Variants in VWC2L observed in about 807,000 individuals in gnomAD.
VWC2L encodes von Willebrand factor C domain containing 2 like.
In VWC2L, 10 loss-of-function variants were observed where a neutral mutation model predicts 21.6. The observed-to-expected ratio is 0.46, with a 90% CI of 0.29 to 0.78. VWC2L has a LOEUF of 0.78. Among genes scored for constraint, VWC2L ranks in the 30% least tolerant of loss-of-function variants. The pLI is 0.10. For missense variants in VWC2L, 209 were observed against 277.1 expected (o/e 0.75, Z 1.74); for synonymous variants, 96 against 94.3 (o/e 1.02, Z -0.10).
rs1172193100 is a variant in VWC2L, at chr2:214,477,399, G to A, written c.520+40641G>A. 3.3e-5 allele frequency among the ~76,000 whole-genome samples: 5 copies of A among 152,208 alleles called. No homozygotes were observed. In the East Asian group the frequency reaches 9.6e-4, roughly 29 times the overall value. Reference sequence around the variant, plus strand: ...GGTTGTCCTTGGTTCAACTCAAATAGGACTTATATCTCTGGTACGAATCTG... The same window carrying A: ...GGTTGTCCTTGGTTCAACTCAAATAAGACTTATATCTCTGGTACGAATCTG... On this transcript the variant is annotated intron_variant, in intron 3 of 3. Transcript: ENST00000312504.
At chr2:214,518,465 AGTTGGCCTAAAGTTAGG>A (rs969230353) in intron 3 of VWC2L, among the ~76,000 whole-genome samples, 1 of 152,206 alleles carries the variant, frequency 6.6e-6, no homozygotes, top group African/African-American at 2.4e-5. Flanking sequence ...TTGGCTGAGA[AGTTGGCCTAAAGTTAGG>A]GTTCAATTGG....
chr2:214,447,653 T>C (rs1336529301), intron 3 of VWC2L, among the ~76,000 whole-genome samples: 1 of 152,122 alleles, frequency 6.6e-6, no homozygotes, highest in Non-Finnish European at 1.5e-5. Context: ...TAAATGTAAA[T>C]GCCTTCAAAA....
chr2:214,416,411 T>G (rs1455609348), intron 2 of VWC2L, among the ~76,000 whole-genome samples: 1 of 152,104 alleles, frequency 6.6e-6, no homozygotes, highest in Non-Finnish European at 1.5e-5. Flanking sequence ...TCCATTAATA[T>G]GCACAGCTTT....
intron 2 of VWC2L, among the ~76,000 whole-genome samples, chr2:214,421,555 T>C (rs1702440160): frequency 6.6e-6 from 1 of 152,120 alleles, no homozygotes; most frequent in South Asian, 2.1e-4. Context: ...TTCTGTGCCG[T>C]GTGCACATTG....
chr2:214,510,492 C>T (rs1480693483), intron 3 of VWC2L, among the ~76,000 whole-genome samples: 2 of 152,132 alleles, frequency 1.3e-5, no homozygotes, highest in Non-Finnish European at 2.9e-5. Context: ...CGACAAGGTA[C>T]TTTGTGGTTC....
rs2126191570 is a variant in VWC2L, at chr2:214,468,286, T to C, written c.520+31528T>C. 1.3e-5 allele frequency among the ~76,000 whole-genome samples: 2 copies of C among 152,326 alleles called. 1 individual carries two copies. Among genetic ancestry groups the C allele is most frequent in the South Asian group, 4.1e-4 (2 of 4,828 alleles). On this transcript the variant is annotated intron_variant, in intron 3 of 3. Coordinates refer to ENST00000312504, the MANE Select transcript of VWC2L (RefSeq NM_001080500.4). ...CCCGCCTTGGCCTCAGTTCTGGGAT[T>C]ACAGGCGTGAGCCATTGCACCTGGC...
chr2:214,514,497 G>C (rs1689109533), intron 3 of VWC2L, among the ~76,000 whole-genome samples: 1 of 152,172 alleles, frequency 6.6e-6, no homozygotes, highest in Non-Finnish European at 1.5e-5. Flanking sequence ...TAATGGAATA[G>C]TAGTAAACTT....
chr2:214,464,758 C>A (rs747528445), intron 3 of VWC2L, among the ~76,000 whole-genome samples: 1 of 152,142 alleles, frequency 6.6e-6, no homozygotes, highest in Non-Finnish European at 1.5e-5. Context: ...GAGCAGGTCC[C>A]AGAATGTCCA....
At chr2:214,422,140 G>A (rs573517158) in intron 2 of VWC2L, among the ~76,000 whole-genome samples, 52 of 151,250 alleles carry the variant, frequency 3.4e-4, no homozygotes, top group African/African-American at 1.2e-3. Context: ...CGCCCGTCTC[G>A]GCCTCCCAAA....
intron 3 of VWC2L, among the ~76,000 whole-genome samples, chr2:214,521,920 T>C (rs1689247064): frequency 6.6e-6 from 1 of 152,248 alleles, no homozygotes; most frequent in African/African-American, 2.4e-5. Flanking sequence ...AATGAGAGGA[T>C]TGTACTTTCT....
At chr2:214,560,195 C>A (rs1021435547) in intron 3 of VWC2L, among the ~76,000 whole-genome samples, 2 of 152,134 alleles carry the variant, frequency 1.3e-5, no homozygotes, top group East Asian at 1.9e-4. Flanking sequence ...AATTTACCAA[C>A]GGCATGTGTA....
chr2:214,423,181 A>G (rs573900494), intron 2 of VWC2L, among the ~76,000 whole-genome samples: 73 of 152,216 alleles, frequency 4.8e-4, no homozygotes, highest in South Asian at 1.0e-3. Context: ...TATTTCTAGT[A>G]TCTGCATTTA....
chr2:214,572,426 C>A (rs1262598599), intron 3 of VWC2L, among the ~76,000 whole-genome samples: 2 of 152,196 alleles, frequency 1.3e-5, no homozygotes, highest in Non-Finnish European at 2.9e-5. Flanking sequence ...CCTCTGGAGT[C>A]TCTCCAAATC....
intron 3 of VWC2L, among the ~76,000 whole-genome samples, chr2:214,500,306 C>G (rs982162705): frequency 6.6e-6 from 1 of 152,082 alleles, no homozygotes; most frequent in African/African-American, 2.4e-5. Context: ...ATAGGAGTGC[C>G]AATAAAATAT....
At chr2:214,460,187 C>A (rs1177922218) in intron 3 of VWC2L, among the ~76,000 whole-genome samples, 1 of 152,138 alleles carries the variant, frequency 6.6e-6, no homozygotes, top group Non-Finnish European at 1.5e-5. Flanking sequence ...AGGCGTGAGC[C>A]ACCATGCCTG....
intron 3 of VWC2L, among the ~76,000 whole-genome samples, chr2:214,571,195 G>A (rs1413599645): frequency 6.6e-6 from 1 of 152,078 alleles, no homozygotes; most frequent in Admixed American, 6.6e-5. Context: ...CAGGATCCGG[G>A]CAAAGGAATA....
chr2:214,439,263 A>G (rs1702725508), intron 3 of VWC2L, among the ~76,000 whole-genome samples: 1 of 152,020 alleles, frequency 6.6e-6, no homozygotes, highest in African/African-American at 2.4e-5. Flanking sequence ...TATAGAAGAC[A>G]TGGAGGAAAA....
chr2:214,506,566 A>C lies in VWC2L; in HGVS notation c.521-69106A>C, dbSNP rs551329175. On this transcript the variant is annotated intron_variant, in intron 3 of 3. Transcript: ENST00000312504. ...TATCAAAACCTTTAGAAATCATCAC[A>C]TGTTTTGACTCAATAATTTTACTTC... Among the ~76,000 whole-genome samples, 62 of 152,252 alleles carry C rather than the reference A, an allele frequency of 4.1e-4. No individual in the cohort carries two copies. In the Middle Eastern group the frequency reaches 0.01, roughly 26 times the overall value.
intron 3 of VWC2L, among the ~76,000 whole-genome samples, chr2:214,527,776 T>C (rs1689367176): frequency 6.6e-6 from 1 of 152,144 alleles, no homozygotes; most frequent in African/African-American, 2.4e-5. Context: ...AAAGTACCAA[T>C]ATATACTTGA....
Sources: gnomAD v4.1 joint callset for allele counts (sites outside exome capture counted in the v4.1 genomes callset) on GRCh38, gnomAD v4.1.1 for gene constraint, MANE v1.5 for transcripts, NCBI Gene and HGNC (gene_info 2026-07-23, HGNC 2026-07-21) for gene names.